The following GRB10 variants were observed in gnomAD, a reference collection of about 807,000 sequenced individuals.
GRB10 encodes growth factor receptor bound protein 10, also known as growth factor receptor-bound protein 10.
Under a neutral mutation model 80.9 loss-of-function variants are expected in GRB10, and 20 were observed. The observed-to-expected ratio is 0.25, with a 90% CI of 0.17 to 0.36. The LOEUF (loss-of-function observed/expected upper bound fraction) is 0.36. Among genes scored for constraint, GRB10 ranks in the 10% least tolerant of loss-of-function variants. GRB10 has a pLI of 1.00. For missense variants in GRB10, 548 were observed against 747.7 expected (o/e 0.73, Z 3.12); for synonymous variants, 291 against 291.5 (o/e 1.00, Z 0.02).
chr7:50,717,205 T>C (rs1304304185), intron 4 of GRB10, among the ~76,000 whole-genome samples: 1 of 151,724 alleles, frequency 6.6e-6, no homozygotes, highest in African/African-American at 2.4e-5. Flanking sequence ...GCCTAACAAC[T>C]GCAAGGGGGT....
At chr7:50,641,541 G>GAAA (rs2056271380) in intron 7 of GRB10, among the ~76,000 whole-genome samples, 1 of 152,194 alleles carries the variant, frequency 6.6e-6, no homozygotes, top group Admixed American at 6.5e-5. Flanking sequence ...ACTTTCTTCA[G>GAAA]GCCAGAGGCC....
intron 3 of GRB10, among the ~76,000 whole-genome samples, chr7:50,744,229 G>T (rs1256231435): frequency 6.6e-6 from 1 of 152,168 alleles, no homozygotes; most frequent in Non-Finnish European, 1.5e-5. Context: ...GAAAAGAAAA[G>T]AAACCGCGTA....
chr7:50,733,009 C>A (rs2070142996), intron 3 of GRB10, among the ~76,000 whole-genome samples: 1 of 152,188 alleles, frequency 6.6e-6, no homozygotes, highest in Non-Finnish European at 1.5e-5. Context: ...TGAACTGTAT[C>A]CTCCCAAAGT....
At chr7:50,736,162 T>C (rs1342095348) in intron 3 of GRB10, among the ~76,000 whole-genome samples, 8 of 152,200 alleles carry the variant, frequency 5.3e-5, no homozygotes, top group Non-Finnish European at 1.2e-4. Context: ...GGTATGTGCC[T>C]GTAATCCCAG....
intron 5 of GRB10, among the ~76,000 whole-genome samples, chr7:50,696,326 C>T (rs1247917623): frequency 6.6e-6 from 1 of 152,206 alleles, no homozygotes; most frequent in Non-Finnish European, 1.5e-5. Context: ...AGAGGGCACA[C>T]CATGGCAGAC....
intron 2 of GRB10, among the ~76,000 whole-genome samples, chr7:50,778,299 G>A (rs1409600752): frequency 2.0e-5 from 3 of 152,168 alleles, no homozygotes; most frequent in Non-Finnish European, 4.4e-5. Flanking sequence ...ATTAGCTCCT[G>A]TAGTATCTAA....
chr7:50,617,287 A>G (rs2050823506), intron 10 of GRB10, among the ~76,000 whole-genome samples: 1 of 152,240 alleles, frequency 6.6e-6, no homozygotes, highest in Non-Finnish European at 1.5e-5. Flanking sequence ...ATAACAACGT[A>G]GAAAAAGGGC....
chr7:50,693,905 G>A (rs1210595879), intron 5 of GRB10, among the ~76,000 whole-genome samples: 1 of 151,984 alleles, frequency 6.6e-6, no homozygotes, highest in African/African-American at 2.4e-5. Context: ...GACCCAAGCA[G>A]TTGCAGTCAG....
chr7:50,597,084 G>A (rs1170548369), intron 17 of GRB10, among the ~76,000 whole-genome samples: 1 of 152,116 alleles, frequency 6.6e-6, no homozygotes, highest in Non-Finnish European at 1.5e-5. Flanking sequence ...AAATAAGACT[G>A]GAAAATCCCA....
At chr7:50,704,164 T>C (rs1227041168) in intron 4 of GRB10, among the ~76,000 whole-genome samples, 1 of 149,886 alleles carries the variant, frequency 6.7e-6, no homozygotes, top group Non-Finnish European at 1.5e-5. Context: ...TTTCCCTGAA[T>C]AGCAATTCAA....
intron 8 of GRB10, among the ~76,000 whole-genome samples, chr7:50,625,625 G>A (rs1302699356): frequency 1.3e-5 from 2 of 152,296 alleles, no homozygotes. Context: ...AAGTGATCCT[G>A]GCAGGAGAAA....
chr7:50,725,220 A>T lies in GRB10; in HGVS notation c.51+7052T>A, dbSNP rs146177921. On this transcript the variant is annotated intron_variant, in intron 4 of 18. Coordinates refer to ENST00000401949, the MANE Select transcript of GRB10 (RefSeq NM_001350814.2). ...TCCCCCTTGCTATTCTCATGACAGT[A>T]AGTTGCCACGAGACCTGGTTGTTGG... is the stretch of plus-strand genomic sequence containing the variant. Among the ~76,000 whole-genome samples, 9 of 152,274 alleles carry T rather than the reference A, an allele frequency of 5.9e-5. No homozygotes were observed. In the East Asian group the frequency reaches 1.7e-3, roughly 29 times the overall value.
At chr7:50,630,296 A>G (rs535675066) in intron 7 of GRB10, among the ~76,000 whole-genome samples, 1 of 152,394 alleles carries the variant, frequency 6.6e-6, no homozygotes, top group East Asian at 1.9e-4. Context: ...ATGCTTCATC[A>G]GTAACTAGCT....
At chr7:50,739,857 C>T (rs542681932) in intron 3 of GRB10, among the ~76,000 whole-genome samples, 21 of 152,140 alleles carry the variant, frequency 1.4e-4, no homozygotes, top group Non-Finnish European at 1.8e-4. Flanking sequence ...CCTCTTCACC[C>T]CTCAGTCCTC....
At chr7:50,641,245 T>C (rs2056180041) in intron 7 of GRB10, among the ~76,000 whole-genome samples, 1 of 149,740 alleles carries the variant, frequency 6.7e-6, no homozygotes, top group Non-Finnish European at 1.5e-5. Context: ...GCATCACTTC[T>C]ACTATGCTTG....
At chr7:50,687,798 G>T (rs1444869200) in intron 5 of GRB10, among the ~76,000 whole-genome samples, 3 of 151,592 alleles carry the variant, frequency 2.0e-5, no homozygotes, top group Admixed American at 2.0e-4. Context: ...GTGGGATGCT[G>T]GGCGCTGCCC....
At chr7:50,691,282 T>C (rs2062781975) in intron 5 of GRB10, among the ~76,000 whole-genome samples, 1 of 152,170 alleles carries the variant, frequency 6.6e-6, no homozygotes, top group South Asian at 2.1e-4. Flanking sequence ...GAAGGAGGGC[T>C]AATCTAGAAG....
chr7:50,686,917 T>C (rs2062164240), intron 5 of GRB10, among the ~76,000 whole-genome samples: 1 of 152,214 alleles, frequency 6.6e-6, no homozygotes, highest in African/African-American at 2.4e-5. Flanking sequence ...TCACTAAATG[T>C]AAGTTTTATT....
In GRB10 at chr7:50,669,874, G is replaced by A; in HGVS notation, c.363-11C>T. The A allele has an allele frequency of 6.2e-7, 1 of 1,606,112 alleles. No individual in the cohort carries two copies. The highest frequency in any genetic ancestry group is 8.5e-7 in the Non-Finnish European group (1 of 1,176,010). On this transcript the variant is annotated splice_polypyrimidine_tract_variant and intron_variant, in intron 6 of 18. Coordinates refer to ENST00000401949, the MANE Select transcript of GRB10 (RefSeq NM_001350814.2). ...TCCTCCTGAAGGCGCCTGGAAGGCAGGGATAAGTGCCTGTTAAAAGCTGCC... is the reference window on the plus strand; with the variant it reads ...TCCTCCTGAAGGCGCCTGGAAGGCAAGGATAAGTGCCTGTTAAAAGCTGCC...
Sources: gnomAD v4.1 joint callset for allele counts (sites outside exome capture counted in the v4.1 genomes callset) on GRCh38, gnomAD v4.1.1 for gene constraint, MANE v1.5 for transcripts, NCBI Gene and HGNC (gene_info 2026-07-23, HGNC 2026-07-21) for gene names.